RPH3AL: variants seen among roughly 807,000 people sequenced by gnomAD.
The protein encoded by RPH3AL is rabphilin 3A like (without C2 domains), also known as rab effector Noc2.
Under a neutral mutation model 43.1 loss-of-function variants are expected in RPH3AL, and 38 were observed. That is an observed-to-expected ratio of 0.88 (90% CI 0.68 to 1.15). The LOEUF (loss-of-function observed/expected upper bound fraction) is 1.15, where lower values mean the gene tolerates loss of function less well. RPH3AL is among the 50% of genes most tolerant of loss of function. The pLI is 0.00. For missense variants in RPH3AL, 462 were observed against 423.2 expected, an observed-to-expected ratio of 1.09 and a Z score of -0.81; for synonymous variants, 189 against 176.3, an observed-to-expected ratio of 1.07 and a Z score of -0.57.
At chr17:332,406 T>G (rs1005749175) in intron 2 of RPH3AL, 2 of 172,248 alleles carry the variant, frequency 1.2e-5, no homozygotes, top group Non-Finnish European at 2.5e-5. Context: ...CCCAGAAGTG[T>G]TCAGTTCTAT....
chr17:218,554 C>T (rs944490918), intron 8 of RPH3AL, among the ~76,000 whole-genome samples: 3 of 66,518 alleles, frequency 4.5e-5, no homozygotes, highest in Non-Finnish European at 7.1e-5. Context: ...AATTGGCCTC[C>T]CTGAAATTTC....
chr17:215,604 A>T lies in RPH3AL; in HGVS notation c.876+50T>A. Reference sequence around the variant, plus strand: ...GTTTGGGAGGAGTGAGTGAGAGAGGACACGGCCGCGGGGGCAGGAGAGGGG... The same window carrying T: ...GTTTGGGAGGAGTGAGTGAGAGAGGTCACGGCCGCGGGGGCAGGAGAGGGG... On this transcript the variant is annotated intron_variant, in intron 9 of 9. Coordinates refer to ENST00000331302, the MANE Select transcript of RPH3AL (RefSeq NM_006987.4). The surrounding 1 kb of genome is among the most constrained non-coding windows in gnomAD (Gnocchi z 4.1). 8.0e-7 allele frequency: 1 copy of T among 1,252,378 alleles called. No individual in the cohort carries two copies. The highest frequency in any genetic ancestry group is 1.0e-6 in the Non-Finnish European group (1 of 993,332). 77.6% of individuals were successfully genotyped at this position (1,252,378 alleles called of 1,614,324 possible).
chr17:322,469 C>T lies in RPH3AL; in HGVS notation c.78-1054G>A, dbSNP rs1043691178. On this transcript the variant is annotated intron_variant, in intron 3 of 9. Transcript: ENST00000331302. This position sits in a 1 kb window ranked among gnomAD's most constrained non-coding sequence, Gnocchi z 4.0. ...ACCTATTTAACTAACAGGTCTAAGGCGTTTTCATTCTACGCATTACCAAGT... is the reference window on the plus strand; with the variant it reads ...ACCTATTTAACTAACAGGTCTAAGGTGTTTTCATTCTACGCATTACCAAGT... The T allele has an allele frequency of 6.6e-6, 1 of 152,176 alleles. No homozygotes were observed. Among genetic ancestry groups the T allele is most frequent in the African/African-American group, 2.4e-5 (1 of 41,428 alleles). The allele number at this position is 152,176 out of a possible 1,614,324, so 9.4% of individuals were successfully genotyped here. A position where few individuals can be genotyped will look rare whatever the true frequency, so the allele number is the denominator to read the frequency against.
intron 1 of RPH3AL, among the ~76,000 whole-genome samples, chr17:352,067 C>T (rs79808026): frequency 0.028 from 4,293 of 152,306 alleles, 96 homozygotes; most frequent in Admixed American, 0.058. Flanking sequence ...CTCTAAGACG[C>T]GTGGCCTTGG....
chr17:219,750 A>C lies in RPH3AL; in HGVS notation c.614-14T>G. On this transcript the variant is annotated splice_polypyrimidine_tract_variant and intron_variant, in intron 7 of 9. Coordinates refer to ENST00000331302, the MANE Select transcript of RPH3AL (RefSeq NM_006987.4). Reference sequence around the variant, plus strand: ...CACTGGAAACCACTGGAAGAGACAGACCACAGCACAGGAGGTCACCCGACC... The same window carrying C: ...CACTGGAAACCACTGGAAGAGACAGCCCACAGCACAGGAGGTCACCCGACC... 1 of 1,595,926 alleles carries C rather than the reference A, an allele frequency of 6.3e-7. No individual in the cohort carries two copies. Among genetic ancestry groups the C allele is most frequent in the Non-Finnish European group, 8.6e-7 (1 of 1,163,900 alleles).
chr17:331,403 C>T (rs1336017669), intron 2 of RPH3AL: 10 of 300,860 alleles, frequency 3.3e-5, no homozygotes, highest in East Asian at 2.2e-4. Flanking sequence ...TGGCTGACCA[C>T]GTTCACAGGG....
chr17:282,162 G>T (rs1220905982), intron 5 of RPH3AL, among the ~76,000 whole-genome samples: 1 of 152,214 alleles, frequency 6.6e-6, no homozygotes, highest in Non-Finnish European at 1.5e-5. Flanking sequence ...CAACACAGAC[G>T]CCCAATGCCA....
intron 6 of RPH3AL, among the ~76,000 whole-genome samples, chr17:269,737 G>C (rs1452565954): frequency 3.9e-5 from 6 of 152,232 alleles, no homozygotes; most frequent in Non-Finnish European, 8.8e-5. Context: ...TGAACGATGG[G>C]AGTCCTTCGG....
chr17:315,549 C>G, intron 5 of RPH3AL, among the ~76,000 whole-genome samples: 1 of 152,116 alleles, frequency 6.6e-6, no homozygotes, highest in Non-Finnish European at 1.5e-5. Context: ...CCTCCATTGA[C>G]CTGTAGTCCC....
At chr17:298,457 G>A (rs1215937376) in intron 5 of RPH3AL, among the ~76,000 whole-genome samples, 1 of 152,086 alleles carries the variant, frequency 6.6e-6, no homozygotes, top group Non-Finnish European at 1.5e-5. Flanking sequence ...GGCATTTTGG[G>A]AGGCTGAAGT....
At chr17:278,188 G>A (rs1195288436) in intron 6 of RPH3AL, among the ~76,000 whole-genome samples, 3 of 152,144 alleles carry the variant, frequency 2.0e-5, no homozygotes, top group Non-Finnish European at 4.4e-5. Context: ...TCTCGTGATA[G>A]TGAATGAGTC....
chr17:243,871 CA>C (rs2041664537), intron 7 of RPH3AL, among the ~76,000 whole-genome samples: 1 of 149,438 alleles, frequency 6.7e-6, no homozygotes, highest in South Asian at 2.2e-4. Context: ...CTACTGATTA[CA>C]CTTCCTCTAC....
At chr17:325,491 C>T (rs910420700) in intron 3 of RPH3AL, among the ~76,000 whole-genome samples, 4 of 152,096 alleles carry the variant, frequency 2.6e-5, no homozygotes, top group African/African-American at 9.7e-5. Flanking sequence ...AGGGCCTTTG[C>T]ACATGCTGTT....
At position 274,289 on chromosome 17, in the gene RPH3AL, G is replaced by A. The variant is rs940670833; in HGVS notation, c.438+7479C>T. 7.9e-5 allele frequency among the ~76,000 whole-genome samples: 12 copies of A among 152,224 alleles called. No homozygotes were observed. Among genetic ancestry groups the A allele is most frequent in the African/African-American group, 1.7e-4 (7 of 41,458 alleles). On this transcript the variant is annotated intron_variant, in intron 6 of 9. Transcript: ENST00000331302. The surrounding 1 kb of genome is among the most constrained non-coding windows in gnomAD (Gnocchi z 4.7). ...TCCACATCAGGTGAGGGGATGAGGC[G>A]GGAGACGGGAGGCGTGCCATGGACC...
chr17:330,125 C>T (rs58232903), intron 2 of RPH3AL, among the ~76,000 whole-genome samples: 2 of 152,242 alleles, frequency 1.3e-5, no homozygotes, highest in Admixed American at 6.5e-5. Flanking sequence ...CCACCCATTT[C>T]TATGATGACC....
At chr17:327,072 C>T (rs1332975238) in intron 3 of RPH3AL, among the ~76,000 whole-genome samples, 6 of 152,202 alleles carry the variant, frequency 3.9e-5, no homozygotes, top group Non-Finnish European at 7.3e-5. Flanking sequence ...ATCAAAATCT[C>T]CCTGTCTTAA....
At chr17:235,431 T>C (rs1392280922) in intron 7 of RPH3AL, among the ~76,000 whole-genome samples, 11 of 114,828 alleles carry the variant, frequency 9.6e-5, no homozygotes, top group African/African-American at 1.4e-4. Context: ...GCCGAGGCTC[T>C]GCAGTAACAA....
At chr17:242,901 A>AC (rs2041602331) in intron 7 of RPH3AL, among the ~76,000 whole-genome samples, 3 of 112,860 alleles carry the variant, frequency 2.7e-5, no homozygotes, top group Admixed American at 9.1e-5. Context: ...TCTATTGACT[A>AC]CCTTCCTCTA....
intron 6 of RPH3AL, among the ~76,000 whole-genome samples, chr17:273,011 G>GTGA (rs2042533470): frequency 5.0e-5 from 6 of 120,116 alleles, no homozygotes; most frequent in African/African-American, 8.1e-5. Context: ...CCCAGCGAGG[G>GTGA]CGACATCAGG....
Sources: allele counts gnomAD v4.1 joint callset (sites outside exome capture counted in the v4.1 genomes callset), GRCh38; gene constraint gnomAD v4.1.1; non-coding constraint Gnocchi (gnomAD v3.1); transcripts MANE v1.5; gene names NCBI Gene and HGNC (gene_info 2026-07-23, HGNC 2026-07-21).